Variants in TMEM154 observed in about 807,000 individuals in gnomAD.
TMEM154 encodes the protein transmembrane protein 154.
Under a neutral mutation model 24.5 loss-of-function variants are expected in TMEM154, and 27 were observed. That is an observed-to-expected ratio of 1.10 (90% CI 0.81 to 1.52). TMEM154 has a LOEUF of 1.52. Ranked by LOEUF, TMEM154 falls within the 40% of genes most tolerant of loss-of-function variation. The probability of loss-of-function intolerance (pLI) is 0.00; values close to 1 mark genes in which losing one functional copy is unlikely to be tolerated. For missense variants in TMEM154, 228 were observed against 213.4 expected (o/e 1.07, Z -0.43); for synonymous variants, 67 against 76.8 (o/e 0.87, Z 0.67).
At chr4:152,641,065 C>T (rs1432089740) in intron 5 of TMEM154, 80 bp from the exon 6 acceptor site, 2 of 1,376,004 alleles carry the variant, frequency 1.5e-6, no homozygotes, top group African/African-American at 2.9e-5. Flanking sequence ...AGTTAAATAC[C>T]ATAGTTCTCT....
Position 152,625,466 on chromosome 4 carries a change from TG to T in TMEM154, c.*3079del, listed in dbSNP as rs1247068510. On this transcript the variant is annotated 3_prime_UTR_variant, in exon 7 of 7. Coordinates refer to ENST00000304385, the MANE Select transcript of TMEM154 (RefSeq NM_152680.3). ...GGGAGGCCGAGGCTGGTGGATCACT[TG>T]AGGTCAGGAGTTTGAGACCAGCCTG... is the stretch of plus-strand genomic sequence containing the variant. 6.6e-6 allele frequency: 1 copy of T among 152,284 alleles called. No individual in the cohort carries two copies. Among genetic ancestry groups the T allele is most frequent in the Non-Finnish European group, 1.5e-5 (1 of 68,140 alleles). 9.4% of individuals were successfully genotyped at this position (152,284 alleles called of 1,614,324 possible). A position where few individuals can be genotyped will look rare whatever the true frequency, so the allele number is the denominator to read the frequency against.
intron 4 of TMEM154, 101 bp downstream of exon 4, chr4:152,644,314 C>T: frequency 1.5e-6 from 2 of 1,327,720 alleles, no homozygotes; most frequent in Admixed American, 1.7e-5. Context: ...GCAGGAGAGT[C>T]CCGCAAGATG....
In TMEM154 at chr4:152,661,293, TC is replaced by T. The variant is rs1395721138; in HGVS notation, c.65-8367del. Among the ~76,000 whole-genome samples, 82 of 61,792 alleles carry T rather than the reference TC, an allele frequency of 1.3e-3. 1 individual carries two copies. Among genetic ancestry groups the T allele is most frequent in the African/African-American group, 5.2e-3 (80 of 15,320 alleles). 40.5% of individuals were successfully genotyped at this position (61,792 alleles called of 152,430 possible). A position where few individuals can be genotyped will look rare whatever the true frequency, so the allele number is the denominator to read the frequency against. On this transcript the variant is annotated intron_variant, in intron 1 of 6. Coordinates refer to ENST00000304385, the MANE Select transcript of TMEM154 (RefSeq NM_152680.3). ...CAAGGGATTGTTCTCTTTCTCTCTCTCTCTCTCTCTCTCTCTCTCTCTCTCT... is the reference window on the plus strand; with the variant it reads ...CAAGGGATTGTTCTCTTTCTCTCTCTTCTCTCTCTCTCTCTCTCTCTCTCT...
chr4:152,620,470 G>C lies in TMEM154; in HGVS notation c.*8076C>G, dbSNP rs1307689812. The C allele has an allele frequency of 6.6e-6, 1 of 152,028 alleles. No individual in the cohort carries two copies. Among genetic ancestry groups the C allele is most frequent in the Non-Finnish European group, 1.5e-5 (1 of 68,096 alleles). 9.4% of individuals were successfully genotyped at this position (152,028 alleles called of 1,614,324 possible). ...TCTGTTACTTCTTATCTCAGGCTAT[G>C]CTCACCTTAAGGCATCCTTGACAAT... On this transcript the variant is annotated 3_prime_UTR_variant, in exon 7 of 7. Transcript: ENST00000304385.
intron 3 of TMEM154, among the ~76,000 whole-genome samples, chr4:152,645,952 C>T (rs866979000): frequency 3.7e-3 from 562 of 151,644 alleles, no homozygotes; most frequent in Middle Eastern, 6.8e-3. Flanking sequence ...CACACACACA[C>T]ACACACACAC....
At position 152,652,871 on chromosome 4, in the gene TMEM154, T is replaced by C. The variant is rs183101688; in HGVS notation, c.121A>G (p.Asn41Asp). Reference sequence around the variant, plus strand: ...AATGTGCTTGGAATAGTCACTTTATTTGGTCTTTCAGATTCCACAGTTGTA... The same window carrying C: ...AATGTGCTTGGAATAGTCACTTTATCTGGTCTTTCAGATTCCACAGTTGTA... ...GDTTVESERP[N>D]KVTIPSTFAA... Residue 41 changes from asparagine (N) to aspartate (D), a missense_variant, in exon 2 of 7, where the codon AAT (asparagine) becomes GAT (aspartate). Asn to Asp is a conservative substitution (Grantham distance 23). Transcript: ENST00000304385. 1.3e-5 allele frequency: 21 copies of C among 1,613,890 alleles called. No homozygotes were observed. The African/African-American group carries it at 2.1e-4, about 16-fold the overall frequency.
intron 6 of TMEM154, among the ~76,000 whole-genome samples, chr4:152,628,789 A>G (rs1579506492): frequency 1.3e-5 from 2 of 149,296 alleles, no homozygotes; most frequent in East Asian, 2.0e-4. Flanking sequence ...GGCACCCACC[A>G]CCAAGCCTGG....
At chr4:152,656,901 G>A (rs1728503165) in intron 1 of TMEM154, among the ~76,000 whole-genome samples, 1 of 151,656 alleles carries the variant, frequency 6.6e-6, no homozygotes, top group East Asian at 1.9e-4. Context: ...AGCCATGAGA[G>A]GATACAGAAA....
chr4:152,673,734 TA>T (rs1031330075), intron 1 of TMEM154, among the ~76,000 whole-genome samples: 6 of 152,372 alleles, frequency 3.9e-5, no homozygotes, highest in African/African-American at 1.4e-4. Flanking sequence ...TCATTAATTT[TA>T]CTTGTTATGT....
chr4:152,659,416 T>C (rs1209984010), intron 1 of TMEM154, among the ~76,000 whole-genome samples: 7 of 152,134 alleles, frequency 4.6e-5, no homozygotes, highest in Non-Finnish European at 8.8e-5. Context: ...GGTAGAAACA[T>C]ACAGTTAGAC....
chr4:152,631,256 A>T lies in TMEM154; in HGVS notation c.537-2695T>A, dbSNP rs571785051. Among the ~76,000 whole-genome samples, 16 of 152,188 alleles carry T rather than the reference A, an allele frequency of 1.1e-4. 1 individual carries two copies. In the East Asian group the frequency reaches 1.7e-3, roughly 17 times the overall value. ...TCCTTTTCCCCACATCCTCTCCAAC[A>T]TTGAATATTATTATTTTCTTTTTTT... is the stretch of plus-strand genomic sequence containing the variant. On this transcript the variant is annotated intron_variant, in intron 6 of 6. Coordinates refer to ENST00000304385, the MANE Select transcript of TMEM154 (RefSeq NM_152680.3).
intron 1 of TMEM154, among the ~76,000 whole-genome samples, chr4:152,673,388 C>G (rs1457004752): frequency 1.3e-5 from 2 of 152,154 alleles, no homozygotes; most frequent in Non-Finnish European, 1.5e-5. Flanking sequence ...GCAACCATTG[C>G]CTTCCAGGTT....
In TMEM154 at chr4:152,652,335, C is replaced by T. The variant is rs149574313; in HGVS notation, c.364+203G>A. Among the ~76,000 whole-genome samples, 112 of 146,564 alleles carry T rather than the reference C, an allele frequency of 7.6e-4. No homozygotes were observed. The South Asian group carries it at 8.8e-3, about 11-fold the overall frequency. On this transcript the variant is annotated intron_variant, in intron 3 of 6. Coordinates refer to ENST00000304385, the MANE Select transcript of TMEM154 (RefSeq NM_152680.3). ...TAAAGCAAAGTGCAACCAAACAAGG[C>T]GTGCCTGTATTTTGAAATTCAATTA...
rs1437159978 is a variant in TMEM154, at chr4:152,626,708, CA to C, written c.*1837del. ...AGTTCATTATTTGATAGGGTTGGAT[CA>C]AATGTAAAGGCCCAGGTGTTCAAAG... On this transcript the variant is annotated 3_prime_UTR_variant, in exon 7 of 7. Transcript: ENST00000304385. 6.6e-5 allele frequency: 10 copies of C among 152,110 alleles called. No individual in the cohort carries two copies. Among genetic ancestry groups the C allele is most frequent in the Non-Finnish European group, 1.3e-4 (9 of 68,018 alleles). The allele number at this position is 152,110 out of a possible 1,614,324, so 9.4% of individuals were successfully genotyped here.
chr4:152,646,609 C>G (rs1448256987), intron 3 of TMEM154: 3 of 250,352 alleles, frequency 1.2e-5, no homozygotes, highest in Non-Finnish European at 2.3e-5. Flanking sequence ...CCATCTCAAA[C>G]CCCTATTCCA....
At chr4:152,674,138 G>A (rs1207195769) in intron 1 of TMEM154, among the ~76,000 whole-genome samples, 1 of 152,018 alleles carries the variant, frequency 6.6e-6, no homozygotes, top group East Asian at 1.9e-4. Flanking sequence ...CTAAGGCTTA[G>A]GAGAGATATA....
In TMEM154 at chr4:152,679,880, G is replaced by A. The variant is rs747637170; in HGVS notation, c.54C>T (p.Pro18=). The part of the protein sequence containing the change: ...LVFALVIALV[P]VGRGNYEELE... ...GTGGAGGCGGCTTACCCCGGCCGAC[G>A]GGAACGAGCGCGATCACCAGGGCGA... The change falls in exon 1 of 7, where the codon CCC becomes CCT. Residue 18 remains proline, a synonymous_variant. Transcript: ENST00000304385. 1 of 1,609,538 alleles carries A rather than the reference G, an allele frequency of 6.2e-7. No homozygotes were observed. Among genetic ancestry groups the A allele is most frequent in the South Asian group, 1.1e-5 (1 of 89,814 alleles).
chr4:152,676,712 AC>A (rs1420219131), intron 1 of TMEM154, among the ~76,000 whole-genome samples: 1 of 152,310 alleles, frequency 6.6e-6, no homozygotes, highest in East Asian at 1.9e-4. Flanking sequence ...ATGAGATACC[AC>A]AGTGTCAGAA....
chr4:152,633,245 G>A (rs4696329), intron 6 of TMEM154, among the ~76,000 whole-genome samples: 120,310 of 152,196 alleles, frequency 0.79, 48,305 homozygotes, highest in South Asian at 0.94. Context: ...CGTGAGCAAC[G>A]GACAAAGCTC....
Sources: gnomAD v4.1 joint callset for allele counts (sites outside exome capture counted in the v4.1 genomes callset) on GRCh38, gnomAD v4.1.1 for gene constraint, MANE v1.5 for transcripts, NCBI Gene and HGNC (gene_info 2026-07-23, HGNC 2026-07-21) for gene names.